CUEDC1: variants seen among roughly 807,000 people sequenced by gnomAD.
CUEDC1 encodes CUE domain-containing protein 1.
A neutral mutation model predicts 43.7 loss-of-function variants in CUEDC1; 30 were observed. The observed-to-expected ratio is 0.69, with a 90% CI of 0.51 to 0.93. The LOEUF (loss-of-function observed/expected upper bound fraction) is 0.93, where lower values mean the gene tolerates loss of function less well. Among genes scored for constraint, CUEDC1 ranks in the 40% least tolerant of loss-of-function variants. CUEDC1 has a pLI of 0.00. For synonymous variants in CUEDC1, 223 were observed against 223.6 expected (o/e 1.00, Z 0.02); for missense variants, 486 against 549.0 (o/e 0.89, Z 1.15).
At chr17:57,879,082 G>A (rs1327460733) in intron 3 of CUEDC1, among the ~76,000 whole-genome samples, 1 of 152,230 alleles carries the variant, frequency 6.6e-6, no homozygotes, top group Admixed American at 6.5e-5. Context: ...AAAGAGACTT[G>A]CTCTCATTGC....
rs920773016 is a variant in CUEDC1, at chr17:57,877,997, C to T, written c.464+1614G>A. 2.0e-4 allele frequency among the ~76,000 whole-genome samples: 31 copies of T among 152,166 alleles called. 1 individual carries two copies. Among genetic ancestry groups the T allele is most frequent in the Middle Eastern group, 3.4e-3 (1 of 294 alleles). ...TCTCACCCAGACCCACCCACTCATT[C>T]CCCACCTCCCACTCCAGTACAGCCT... On this transcript the variant is annotated intron_variant, in intron 3 of 10. Coordinates refer to ENST00000577830, the MANE Select transcript of CUEDC1 (RefSeq NM_001271875.2).
chr17:57,890,612 C>T (rs1418681815), intron 1 of CUEDC1, among the ~76,000 whole-genome samples: 1 of 152,194 alleles, frequency 6.6e-6, no homozygotes, highest in East Asian at 1.9e-4. Flanking sequence ...TCACAGTGGC[C>T]CTCCACCTCC....
At chr17:57,883,742 C>CA (rs1037889046) in intron 2 of CUEDC1, among the ~76,000 whole-genome samples, 1 of 151,952 alleles carries the variant, frequency 6.6e-6, no homozygotes, top group African/African-American at 2.4e-5. Flanking sequence ...AAAAAACAAA[C>CA]AAAAAAAGAA....
Position 57,879,697 on chromosome 17 carries a change from C to T in CUEDC1, c.378G>A (p.Glu126=). Residue 126 remains glutamate, a synonymous_variant, in exon 3 of 11, where the codon GAG becomes GAA. Coordinates refer to ENST00000577830, the MANE Select transcript of CUEDC1 (RefSeq NM_001271875.2). ...CTGGCGGGGAGTACACAGGTGGGGG[C>T]TCTTCATCCGAGCTATCAGGTTCCA... ...RTLEPDSSDE[E]PPPVYSPPAY... 1 of 1,601,676 alleles carries T rather than the reference C, an allele frequency of 6.2e-7. No homozygotes were observed. Among genetic ancestry groups the T allele is most frequent in the Non-Finnish European group, 8.5e-7 (1 of 1,175,440 alleles).
chr17:57,881,634 T>C (rs1482502444), intron 2 of CUEDC1, among the ~76,000 whole-genome samples: 2 of 152,236 alleles, frequency 1.3e-5, no homozygotes, highest in East Asian at 1.9e-4. Context: ...CCCACTGATA[T>C]GGGTCAGAGT....
chr17:57,947,737 G>A (rs2074972001), intron 1 of CUEDC1, among the ~76,000 whole-genome samples: 1 of 152,126 alleles, frequency 6.6e-6, no homozygotes, highest in African/African-American at 2.4e-5. Flanking sequence ...GGAGGCAGAG[G>A]TTGCAGTGAG....
chr17:57,873,342 T>C (rs2074062986), intron 4 of CUEDC1, among the ~76,000 whole-genome samples: 1 of 152,178 alleles, frequency 6.6e-6, no homozygotes, highest in Non-Finnish European at 1.5e-5. Context: ...CTCTCCAGCC[T>C]GAGGTGACTG....
At chr17:57,907,434 C>T (rs1317833633) in intron 1 of CUEDC1, among the ~76,000 whole-genome samples, 4 of 152,030 alleles carry the variant, frequency 2.6e-5, no homozygotes, top group Admixed American at 2.0e-4. Context: ...ACTCCACAGA[C>T]GGGAGCATGC....
intron 1 of CUEDC1, among the ~76,000 whole-genome samples, chr17:57,895,791 G>T (rs1025894058): frequency 1.3e-5 from 2 of 152,332 alleles, no homozygotes; most frequent in South Asian, 4.1e-4. Flanking sequence ...AAGGGCCCAC[G>T]CTGGAGGAAG....
chr17:57,871,154 G>A, intron 6 of CUEDC1, 132 bp downstream of exon 6: 1 of 731,926 alleles, frequency 1.4e-6, no homozygotes, highest in Admixed American at 2.0e-5. Context: ...CCGCCAGCCT[G>A]CTGAGGAGGC....
intron 10 of CUEDC1, among the ~76,000 whole-genome samples, chr17:57,863,693 G>C (rs1419037709): frequency 6.6e-6 from 1 of 152,184 alleles, no homozygotes; most frequent in South Asian, 2.1e-4. Context: ...CCAGGCTGAA[G>C]AGTTCCTAAG....
In CUEDC1 at chr17:57,879,612, G is replaced by A. The variant is rs371383956; in HGVS notation, c.463C>T (p.Arg155Cys). The A allele has an allele frequency of 5.9e-5, 94 of 1,588,958 alleles. No homozygotes were observed. The highest frequency in any genetic ancestry group is 3.3e-4 in the Middle Eastern group (2 of 6,014). ...CTCTGAGACATGACAGATTCTCACCGGGGAGGCGGAGTCGGGGGAGCCAGA... is the reference window on the plus strand; with the variant it reads ...CTCTGAGACATGACAGATTCTCACCAGGGAGGCGGAGTCGGGGGAGCCAGA... ...YPLAPPTPPP[R>C]IDALGSGAPT... Residue 155 changes from arginine (R) to cysteine (C), a missense_variant and splice_region_variant, in exon 3 of 11, where the codon CGT (arginine) becomes TGT (cysteine). Coordinates refer to ENST00000577830, the MANE Select transcript of CUEDC1 (RefSeq NM_001271875.2).
chr17:57,868,027 G>T, intron 8 of CUEDC1, 123 bp downstream of exon 8: 1 of 769,130 alleles, frequency 1.3e-6, no homozygotes, highest in Non-Finnish European at 2.2e-6. Context: ...GAGGAGGAAG[G>T]GAAGGCCACA....
At chr17:57,935,336 G>GT (rs2074849284) in intron 1 of CUEDC1, among the ~76,000 whole-genome samples, 1 of 150,988 alleles carries the variant, frequency 6.6e-6, no homozygotes, top group Non-Finnish European at 1.5e-5. Context: ...AGTGACCAGC[G>GT]TGACAGTGAT....
chr17:57,865,557 A>G (rs1462461523), intron 10 of CUEDC1, among the ~76,000 whole-genome samples: 1 of 152,184 alleles, frequency 6.6e-6, no homozygotes, highest in Non-Finnish European at 1.5e-5. Flanking sequence ...CCCCTCTCCC[A>G]TGGTAAACGG....
chr17:57,882,699 G>A (rs1034282856), intron 2 of CUEDC1, among the ~76,000 whole-genome samples: 1 of 152,178 alleles, frequency 6.6e-6, no homozygotes, highest in Non-Finnish European at 1.5e-5. Flanking sequence ...CCTACTCAAT[G>A]TGAGAAGATG....
intron 1 of CUEDC1, among the ~76,000 whole-genome samples, chr17:57,891,259 G>A (rs2074352343): frequency 1.3e-5 from 2 of 152,192 alleles, no homozygotes; most frequent in Non-Finnish European, 2.9e-5. Flanking sequence ...ACCCCAACCT[G>A]CTTCTCCCCT....
At chr17:57,903,609 A>T (rs1255866080) in intron 1 of CUEDC1, among the ~76,000 whole-genome samples, 1 of 152,126 alleles carries the variant, frequency 6.6e-6, no homozygotes, top group African/African-American at 2.4e-5. Flanking sequence ...GCAGGTCCAC[A>T]GAGAAAATAC....
intron 1 of CUEDC1, among the ~76,000 whole-genome samples, chr17:57,900,697 C>T (rs1333163211): frequency 2.0e-5 from 3 of 152,206 alleles, no homozygotes; most frequent in Non-Finnish European, 4.4e-5. Flanking sequence ...TAGAGGTTGT[C>T]CAGGACTGCG....
Sources: gnomAD v4.1 joint callset for allele counts (sites outside exome capture counted in the v4.1 genomes callset) on GRCh38, gnomAD v4.1.1 for gene constraint, MANE v1.5 for transcripts, NCBI Gene and HGNC (gene_info 2026-07-23, HGNC 2026-07-21) for gene names.